WNT5A: variants seen among roughly 807,000 people sequenced by gnomAD.
WNT5A encodes Wnt family member 5A, also known as protein Wnt-5a.
In WNT5A, 9 loss-of-function variants were observed where a neutral mutation model predicts 42.1. The observed-to-expected ratio is 0.21, with a 90% CI of 0.13 to 0.37. WNT5A has a LOEUF of 0.37. WNT5A is among the 10% of genes least tolerant of loss of function. The pLI is 1.00. For missense variants in WNT5A, 426 were observed against 534.0 expected, an observed-to-expected ratio of 0.80 and a Z score of 1.99; for synonymous variants, 210 against 210.0, an observed-to-expected ratio of 1.00 and a Z score of 0.00.
upstream of WNT5A, among the ~76,000 whole-genome samples, chr3:55,494,560 TAG>T (rs768484230): frequency 3.3e-5 from 5 of 152,146 alleles, no homozygotes; most frequent in Admixed American, 2.6e-4. Flanking sequence ...TTTTTTTTGA[TAG>T]AGTCTCACTC....
chr3:55,470,375 A>G lies in WNT5A; in HGVS notation c.860T>C (p.Val287Ala). 6.2e-7 allele frequency: 1 copy of G among 1,613,902 alleles called. No homozygotes were observed. The highest frequency in any genetic ancestry group is 8.5e-7 in the Non-Finnish European group (1 of 1,179,856). Residue 287 changes from valine to alanine, a missense_variant, in exon 5 of 5, where the codon GTC (valine) becomes GCC (alanine). This residue lies in a region of WNT5A where 358 missense variants were observed against 468.1 expected (regional missense o/e 0.76). Coordinates refer to ENST00000264634, the MANE Select transcript of WNT5A (RefSeq NM_003392.7). ...GGTGGGCGAGTTGAAGCGGCTGTTGACCTGTACCAACTTGCCCCGGCTGTT... is the reference window on the plus strand; with the variant it reads ...GGTGGGCGAGTTGAAGCGGCTGTTGGCCTGTACCAACTTGCCCCGGCTGTT... ...RLNSRGKLVQVNSRFNSPTTQ... is the reference protein window; with the variant it reads ...RLNSRGKLVQANSRFNSPTTQ...
intron 3 of WNT5A, among the ~76,000 whole-genome samples, chr3:55,475,375 T>G (rs1361297329): frequency 2.6e-5 from 4 of 152,230 alleles, no homozygotes; most frequent in African/African-American, 9.6e-5. Flanking sequence ...ACACTCATTT[T>G]GGCCTTGTGT....
chr3:55,471,867 C>T (rs960281167), intron 4 of WNT5A, among the ~76,000 whole-genome samples: 5 of 152,216 alleles, frequency 3.3e-5, no homozygotes, highest in East Asian at 1.9e-4. Context: ...AGGCCTCTTC[C>T]GCAGAGAACA....
At chr3:55,491,939 C>T (rs145036266), upstream of WNT5A, among the ~76,000 whole-genome samples, 318 of 152,326 alleles carry the variant, frequency 2.1e-3, 1 homozygote, top group African/African-American at 6.9e-3. Context: ...ACATGGCCAC[C>T]GTCAAAGTAA....
intron 1 of WNT5A, chr3:55,481,219 G>A: frequency 2.3e-6 from 2 of 875,146 alleles, no homozygotes; most frequent in African/African-American, 1.8e-5. Context: ...CCTCCTTCCT[G>A]CTCGCTCGAG....
chr3:55,481,047 G>T, intron 1 of WNT5A, 129 bp from the exon 2 acceptor site: 1 of 1,038,228 alleles, frequency 9.6e-7, no homozygotes, highest in Non-Finnish European at 1.3e-6. Flanking sequence ...TCCTCCGTGA[G>T]TTTTTTGATG....
chr3:55,468,172 G>T lies in WNT5A; in HGVS notation c.*1920C>A, dbSNP rs2051180529. The T allele has an allele frequency of 6.6e-6, 1 of 151,272 alleles. No individual in the cohort carries two copies. Among genetic ancestry groups the T allele is most frequent in the Non-Finnish European group, 1.5e-5 (1 of 67,890 alleles). The allele number at this position is 151,272 out of a possible 1,614,324, so 9.4% of individuals were successfully genotyped here. A position where few individuals can be genotyped will look rare whatever the true frequency, so the allele number is the denominator to read the frequency against. The stretch of plus-strand genomic sequence containing the variant: ...AAAAAAAAAAGCTATCTATGTAGTG[G>T]GCTGAATATTCCTTAGGGACTCAAT... On this transcript the variant is annotated 3_prime_UTR_variant, in exon 5 of 5. Coordinates refer to ENST00000264634, the MANE Select transcript of WNT5A (RefSeq NM_003392.7).
chr3:55,491,679 A>G (rs2051661125), upstream of WNT5A, among the ~76,000 whole-genome samples: 1 of 152,192 alleles, frequency 6.6e-6, no homozygotes, highest in Non-Finnish European at 1.5e-5. Flanking sequence ...TGGTGTTTTA[A>G]TGATCTGCTG....
chr3:55,470,858 A>G (rs1306576851), intron 4 of WNT5A, among the ~76,000 whole-genome samples: 1 of 152,160 alleles, frequency 6.6e-6, no homozygotes, highest in Admixed American at 6.5e-5. Flanking sequence ...CAACATGTGG[A>G]CACTCATCCC....
chr3:55,470,251 C>A lies in WNT5A; in HGVS notation c.984G>T (p.Thr328=). 2 of 1,614,106 alleles carry A rather than the reference C, an allele frequency of 1.2e-6. No individual in the cohort carries two copies. Residue 328 remains threonine (T), a synonymous_variant, in exon 5 of 5, where the codon ACG becomes ACT. Transcript: ENST00000264634. ...GCTCGCAGCCATCCATGCCCTCCGA[C>A]GTCTTGTTGCACAGGCGGCCCTGCG... The part of the protein sequence containing the change: ...LGTQGRLCNK[T]SEGMDGCELM...
chr3:55,494,480 G>C (rs1263978923), upstream of WNT5A, among the ~76,000 whole-genome samples: 4 of 152,150 alleles, frequency 2.6e-5, no homozygotes, highest in African/African-American at 4.8e-5. Context: ...GCTCAAGTTT[G>C]GTCCAAACTG....
At chr3:55,480,953 C>T (rs367967588) in intron 1 of WNT5A, 35 bp from the exon 2 acceptor site, 50 of 1,434,506 alleles carry the variant, frequency 3.5e-5, no homozygotes, top group Non-Finnish European at 4.2e-5. Context: ...TGTTTATTGC[C>T]TCTCAGATAA....
intron 4 of WNT5A, among the ~76,000 whole-genome samples, 180 bp downstream of exon 4, chr3:55,474,157 G>T (rs1435142134): frequency 6.6e-6 from 1 of 152,148 alleles, no homozygotes; most frequent in African/African-American, 2.4e-5. Flanking sequence ...GAGGAGGAAA[G>T]AGACAGGAAA....
At position 55,483,712 on chromosome 3, in the gene WNT5A, G is replaced by A. The variant is rs1182381640; in HGVS notation, c.7-2794C>T. Among the ~76,000 whole-genome samples, 1 of 152,080 alleles carries A rather than the reference G, an allele frequency of 6.6e-6. No individual in the cohort carries two copies. Among genetic ancestry groups the A allele is most frequent in the Admixed American group, 6.5e-5 (1 of 15,270 alleles). ...GTGAGGTGGAGGAGGGCGTTCCCGC[G>A]TCCTCCTCTTCAATCCAGAGCAGCT... On this transcript the variant is annotated intron_variant, in intron 1 of 4. Coordinates refer to ENST00000264634, the MANE Select transcript of WNT5A (RefSeq NM_003392.7). The surrounding 1 kb of genome is among the most constrained non-coding windows in gnomAD (Gnocchi z 4.2).
At chr3:55,486,647 G>A (rs1265040228) in intron 1 of WNT5A, among the ~76,000 whole-genome samples, 1 of 152,250 alleles carries the variant, frequency 6.6e-6, no homozygotes, top group Non-Finnish European at 1.5e-5. Flanking sequence ...AATATACATA[G>A]TAAATTACAC....
upstream of WNT5A, among the ~76,000 whole-genome samples, chr3:55,492,079 T>A (rs2051665797): frequency 6.6e-6 from 1 of 152,232 alleles, no homozygotes; most frequent in Non-Finnish European, 1.5e-5. Flanking sequence ...CACTGATCAC[T>A]CACTATGCCC....
intron 4 of WNT5A, among the ~76,000 whole-genome samples, 185 bp from the exon 5 acceptor site, chr3:55,470,735 T>C (rs866050175): frequency 1.3e-5 from 2 of 152,180 alleles, no homozygotes; most frequent in African/African-American, 4.8e-5. Context: ...TCCAAATAAA[T>C]ATGTTCTTAA....
upstream of WNT5A, among the ~76,000 whole-genome samples, chr3:55,491,028 C>A (rs1469268494): frequency 1.3e-5 from 2 of 152,214 alleles, no homozygotes; most frequent in African/African-American, 4.8e-5. Context: ...CTGCGGTTTT[C>A]ATGGCTGGAA....
In WNT5A at chr3:55,470,425, G is replaced by A. The variant is rs370410624; in HGVS notation, c.810C>T (p.Tyr270=). ...RKVGDALKEK[Y]DSAAAMRLNS... is the part of the protein sequence containing the mutation. Reference sequence around the variant, plus strand: ...TGAGCCGCATGGCCGCCGCGCTGTCGTACTTCTCCTTCAGGGCATCACCCA... The same window carrying A: ...TGAGCCGCATGGCCGCCGCGCTGTCATACTTCTCCTTCAGGGCATCACCCA... Residue 270 remains tyrosine, a synonymous_variant, in exon 5 of 5, where the codon TAC becomes TAT. Coordinates refer to ENST00000264634, the MANE Select transcript of WNT5A (RefSeq NM_003392.7). 1.2e-5 allele frequency: 20 copies of A among 1,612,516 alleles called. No homozygotes were observed. The highest frequency in any genetic ancestry group is 5.3e-5 in the African/African-American group (4 of 74,924).
Sources: gnomAD v4.1 joint callset for allele counts (sites outside exome capture counted in the v4.1 genomes callset) on GRCh38, gnomAD v4.1.1 for gene constraint, gnomAD v4.1.1 regional missense constraint, Gnocchi (gnomAD v3.1) non-coding constraint, MANE v1.5 for transcripts, NCBI Gene and HGNC (gene_info 2026-07-23, HGNC 2026-07-21) for gene names.